MAP7: variants seen among roughly 807,000 people sequenced by gnomAD.
MAP7 encodes the protein ensconsin.
A neutral mutation model predicts 94.8 loss-of-function variants in MAP7; 52 were observed. The observed-to-expected ratio is 0.55, with a 90% CI of 0.44 to 0.69. The LOEUF (loss-of-function observed/expected upper bound fraction) is 0.69. MAP7 is among the 30% of genes least tolerant of loss of function. The probability of loss-of-function intolerance (pLI) is 0.00; values close to 1 mark genes in which losing one functional copy is unlikely to be tolerated. For synonymous variants in MAP7, 350 were observed against 357.0 expected (o/e 0.98, Z 0.22); for missense variants, 940 against 964.6 (o/e 0.97, Z 0.34).
At chr6:136,367,773 T>C (rs1794692359) in intron 8 of MAP7, among the ~76,000 whole-genome samples, 2 of 152,144 alleles carry the variant, frequency 1.3e-5, no homozygotes, top group South Asian at 4.1e-4. Flanking sequence ...GGGCTTTGGG[T>C]ATCAAAAGCT....
At chr6:136,516,661 C>G (rs1371798514) in intron 1 of MAP7, among the ~76,000 whole-genome samples, 3 of 152,158 alleles carry the variant, frequency 2.0e-5, no homozygotes, top group Non-Finnish European at 2.9e-5. Context: ...CTTTCTCCAT[C>G]GTAAGTGTTC....
chr6:136,435,219 A>G (rs1440923456), intron 1 of MAP7, among the ~76,000 whole-genome samples: 1 of 152,192 alleles, frequency 6.6e-6, no homozygotes, highest in Non-Finnish European at 1.5e-5. Flanking sequence ...ACCTTCTCCT[A>G]GAAGAAGGAA....
intron 1 of MAP7, among the ~76,000 whole-genome samples, chr6:136,503,201 C>T (rs573341395): frequency 6.6e-6 from 1 of 152,244 alleles, no homozygotes; most frequent in African/African-American, 2.4e-5. Context: ...GTGCCTTCTC[C>T]CTTTCCCTCC....
intron 1 of MAP7, among the ~76,000 whole-genome samples, chr6:136,501,917 C>CAG: frequency 6.6e-6 from 1 of 152,138 alleles, no homozygotes; most frequent in East Asian, 1.9e-4. Flanking sequence ...AGGAAAGATT[C>CAG]CTCCTGTGAA....
At chr6:136,392,616 T>C (rs866707008) in intron 3 of MAP7, among the ~76,000 whole-genome samples, 2 of 152,072 alleles carry the variant, frequency 1.3e-5, no homozygotes, top group African/African-American at 4.8e-5. Context: ...CTGTCGTAAA[T>C]CCCTATGTAG....
intron 1 of MAP7, chr6:136,466,664 T>G: frequency 8.3e-7 from 1 of 1,211,456 alleles, no homozygotes; most frequent in Non-Finnish European, 1.1e-6. Flanking sequence ...TTCCACTTGT[T>G]ATAAGTATTA....
chr6:136,413,978 G>A (rs183403103), intron 2 of MAP7, among the ~76,000 whole-genome samples: 79 of 152,098 alleles, frequency 5.2e-4, no homozygotes, highest in African/African-American at 1.9e-3. Flanking sequence ...GGCCGGGCGC[G>A]GTGGCTCACG....
intron 1 of MAP7, chr6:136,475,909 G>C (rs562068715): frequency 5.9e-5 from 9 of 152,216 alleles, no homozygotes; most frequent in African/African-American, 1.9e-4. Flanking sequence ...TCCTTTATGA[G>C]CGCAGCCTGC....
At chr6:136,426,530 C>T (rs549687972) in intron 1 of MAP7, among the ~76,000 whole-genome samples, 4 of 152,140 alleles carry the variant, frequency 2.6e-5, no homozygotes, top group Non-Finnish European at 5.9e-5. Flanking sequence ...GATAGTGTTA[C>T]AGGAATTTGG....
chr6:136,400,527 C>T (rs1263009658), intron 3 of MAP7, among the ~76,000 whole-genome samples: 3 of 151,820 alleles, frequency 2.0e-5, no homozygotes, highest in African/African-American at 7.3e-5. Flanking sequence ...AAACACCTAG[C>T]TATGTTGTTT....
chr6:136,360,495 A>G (rs1352598055), intron 13 of MAP7, among the ~76,000 whole-genome samples: 2 of 152,192 alleles, frequency 1.3e-5, no homozygotes, highest in Non-Finnish European at 2.9e-5. Context: ...AACTGCCTTA[A>G]GCTACATGAA....
At chr6:136,400,263 A>C (rs1449478901) in intron 3 of MAP7, among the ~76,000 whole-genome samples, 1 of 152,048 alleles carries the variant, frequency 6.6e-6, no homozygotes, top group Admixed American at 6.5e-5. Flanking sequence ...GAAAATACAA[A>C]AAATTAGCCA....
At chr6:136,423,098 A>G (rs543834767) in intron 1 of MAP7, among the ~76,000 whole-genome samples, 1 of 152,334 alleles carries the variant, frequency 6.6e-6, no homozygotes, top group African/African-American at 2.4e-5. Context: ...CTTGGCACAT[A>G]GAAGGTGTTT....
intron 1 of MAP7, among the ~76,000 whole-genome samples, chr6:136,481,558 A>G (rs992480460): frequency 2.6e-5 from 4 of 152,228 alleles, no homozygotes; most frequent in African/African-American, 9.6e-5. Context: ...CTAAACATTA[A>G]AACAACTGAA....
At chr6:136,506,003 T>G (rs1821400195) in intron 1 of MAP7, among the ~76,000 whole-genome samples, 1 of 152,180 alleles carries the variant, frequency 6.6e-6, no homozygotes, top group East Asian at 1.9e-4. Context: ...AAAGAAGATT[T>G]AATAATGTAT....
chr6:136,499,462 C>T (rs770844521), intron 1 of MAP7, among the ~76,000 whole-genome samples: 6 of 151,186 alleles, frequency 4.0e-5, no homozygotes, highest in Admixed American at 6.6e-5. Flanking sequence ...GGTTAGGTAA[C>T]GGTGCCTAGT....
intron 1 of MAP7, among the ~76,000 whole-genome samples, chr6:136,422,489 T>C (rs1365841547): frequency 6.6e-6 from 1 of 152,180 alleles, no homozygotes; most frequent in Non-Finnish European, 1.5e-5. Flanking sequence ...CTAACTTTTA[T>C]TGGATCCATT....
chr6:136,536,365 C>T (rs150322351), intron 1 of MAP7, among the ~76,000 whole-genome samples: 181 of 152,186 alleles, frequency 1.2e-3, no homozygotes, highest in Middle Eastern at 3.4e-3. Context: ...TTGGTAAGCA[C>T]TCAGGGGACA....
At chr6:136,527,728 G>A (rs1462397886) in intron 1 of MAP7, among the ~76,000 whole-genome samples, 1 of 152,066 alleles carries the variant, frequency 6.6e-6, no homozygotes, top group African/African-American at 2.4e-5. Flanking sequence ...TTATTTTCAA[G>A]GTATTTCCAG....
Sources: allele counts gnomAD v4.1 joint callset (sites outside exome capture counted in the v4.1 genomes callset), GRCh38; gene constraint gnomAD v4.1.1; transcripts MANE v1.5; gene names NCBI Gene and HGNC (gene_info 2026-07-23, HGNC 2026-07-21).